Variants in SESN1 observed in about 807,000 individuals in gnomAD.
The protein encoded by SESN1 is sestrin 1, also known as sestrin-1.
SESN1 carries 30 observed loss-of-function variants against 59.3 expected under a neutral mutation model. That is an observed-to-expected ratio of 0.51 (90% CI 0.38 to 0.69). SESN1 has a LOEUF of 0.69. SESN1 is among the 30% of genes least tolerant of loss of function. The probability of loss-of-function intolerance (pLI) is 0.00; values close to 1 mark genes in which losing one functional copy is unlikely to be tolerated. For missense variants in SESN1, 566 were observed against 673.0 expected (o/e 0.84, Z 1.76); for synonymous variants, 197 against 219.9 (o/e 0.90, Z 0.92).
chr6:109,009,262 G>C (rs1779805468), intron 1 of SESN1: 1 of 1,133,304 alleles, frequency 8.8e-7, no homozygotes, highest in African/African-American at 1.6e-5. Flanking sequence ...GAGCGACTGT[G>C]AGGAGGCAAC....
chr6:109,022,028 A>G (rs1780019181), intron 1 of SESN1, among the ~76,000 whole-genome samples: 1 of 152,038 alleles, frequency 6.6e-6, no homozygotes, highest in South Asian at 2.1e-4. Flanking sequence ...GTGTTAATTA[A>G]GCACCTACTA....
intron 1 of SESN1, among the ~76,000 whole-genome samples, chr6:109,080,353 T>C (rs1781101329): frequency 6.6e-6 from 1 of 152,204 alleles, no homozygotes; most frequent in Non-Finnish European, 1.5e-5. Flanking sequence ...AGGTAGTGCA[T>C]TAAATAAATC....
At chr6:109,055,706 T>C (rs1397227462) in intron 1 of SESN1, among the ~76,000 whole-genome samples, 2 of 151,490 alleles carry the variant, frequency 1.3e-5, no homozygotes, top group Non-Finnish European at 2.9e-5. Context: ...CCAGAATGGT[T>C]ATTTCAATCA....
chr6:109,041,958 T>C lies in SESN1; in HGVS notation c.280-39615A>G, dbSNP rs371587105. Among the ~76,000 whole-genome samples, 41 of 152,220 alleles carry C rather than the reference T, an allele frequency of 2.7e-4. No homozygotes were observed. The South Asian group carries it at 4.1e-3, about 15-fold the overall frequency. On this transcript the variant is annotated intron_variant, in intron 1 of 9. Coordinates refer to ENST00000436639, the MANE Select transcript of SESN1 (RefSeq NM_014454.3). Reference sequence around the variant, plus strand: ...GAATACATCATGGCCATAAAATAAATTTGAATATATTTAAAAGAATGAAAA... The same window carrying C: ...GAATACATCATGGCCATAAAATAAACTTGAATATATTTAAAAGAATGAAAA...
rs79469057 is a variant in SESN1 at position 109,089,122 on chromosome 6, G to A, written c.279+4673C>T. Among the ~76,000 whole-genome samples the A allele has an allele frequency of 8.2e-3, 1,234 of 150,490 alleles. 23 individuals are homozygous for A. Among genetic ancestry groups the A allele is most frequent in the African/African-American group, 0.028 (1,164 of 40,850 alleles). ...GAATTCATTCTACCACCTTGTCATC[G>A]TTTCTCCCTTGCCAACTACAGCCCT... On this transcript the variant is annotated intron_variant, in intron 1 of 9. Transcript: ENST00000436639.
At chr6:109,064,509 T>C (rs1237286160) in intron 1 of SESN1, among the ~76,000 whole-genome samples, 1 of 146,002 alleles carries the variant, frequency 6.8e-6, no homozygotes, top group Non-Finnish European at 1.5e-5. Context: ...CAGTTCATCA[T>C]CAATCACCAA....
chr6:109,026,921 C>T (rs760842008), intron 1 of SESN1, among the ~76,000 whole-genome samples: 4 of 152,148 alleles, frequency 2.6e-5, no homozygotes, highest in South Asian at 2.1e-4. Context: ...CACCTGTAAT[C>T]CCAGCACTTC....
At chr6:109,091,635 T>C (rs1201731914) in intron 1 of SESN1, among the ~76,000 whole-genome samples, 1 of 152,266 alleles carries the variant, frequency 6.6e-6, no homozygotes, top group Non-Finnish European at 1.5e-5. Flanking sequence ...ATCATGTCTC[T>C]GCTTAAATGT....
intron 1 of SESN1, among the ~76,000 whole-genome samples, chr6:109,043,300 T>G (rs1272479273): frequency 6.6e-6 from 1 of 152,086 alleles, no homozygotes; most frequent in Non-Finnish European, 1.5e-5. Flanking sequence ...ATATTTACTC[T>G]CACCACTCTT....
intron 1 of SESN1, among the ~76,000 whole-genome samples, chr6:109,021,914 A>C (rs1780017373): frequency 6.6e-6 from 1 of 152,222 alleles, no homozygotes; most frequent in African/African-American, 2.4e-5. Flanking sequence ...TATTACTGAA[A>C]GTTTCATTAA....
chr6:109,019,656 T>C (rs1235296453), intron 1 of SESN1, among the ~76,000 whole-genome samples: 1 of 152,210 alleles, frequency 6.6e-6, no homozygotes, highest in Non-Finnish European at 1.5e-5. Context: ...TCATAAAAAT[T>C]TGACCTAATA....
At chr6:108,996,144 A>C (rs1340141807) in intron 5 of SESN1, among the ~76,000 whole-genome samples, 1 of 152,234 alleles carries the variant, frequency 6.6e-6, no homozygotes, top group African/African-American at 2.4e-5. Context: ...CTAGCATAGT[A>C]CCTGGTACAT....
In SESN1 at chr6:108,998,583, C is replaced by T; in HGVS notation, c.902G>A (p.Cys301Tyr). 1 of 1,613,842 alleles carries T rather than the reference C, an allele frequency of 6.2e-7. No individual in the cohort carries two copies. The highest frequency in any genetic ancestry group is 2.2e-5 in the East Asian group (1 of 44,868). The change falls in exon 5 of 10, where the codon TGC becomes TAC. Residue 301 changes from cysteine to tyrosine, a missense_variant. Cys to Tyr is a radical substitution (Grantham distance 194). Transcript: ENST00000436639. ...TFRPPSVSNYCICDITNGNHS... is the reference protein window; with the variant it reads ...TFRPPSVSNYYICDITNGNHS... ...ATTGCCATTTGTAATGTCACAGATG[C>T]AGTAGTTGCTAACAGAAGGAGGTCT...
At chr6:109,032,150 T>C (rs1780190625) in intron 1 of SESN1, among the ~76,000 whole-genome samples, 1 of 152,144 alleles carries the variant, frequency 6.6e-6, no homozygotes, top group Non-Finnish European at 1.5e-5. Flanking sequence ...TTCATGCCTG[T>C]AATCCCAGCT....
intron 1 of SESN1, among the ~76,000 whole-genome samples, chr6:109,039,229 G>A (rs1264852307): frequency 6.6e-6 from 1 of 152,164 alleles, no homozygotes; most frequent in Non-Finnish European, 1.5e-5. Context: ...ACTATAGAGG[G>A]TAGGGAAGAC....
At chr6:109,065,288 T>G (rs1250727756) in intron 1 of SESN1, among the ~76,000 whole-genome samples, 1 of 152,204 alleles carries the variant, frequency 6.6e-6, no homozygotes, top group Non-Finnish European at 1.5e-5. Flanking sequence ...ATACTATTAT[T>G]ATGATGCTTC....
In SESN1 at chr6:109,000,489, A is replaced by C. The variant is rs768859529; in HGVS notation, c.729+2T>G. 2 of 1,547,922 alleles carry C rather than the reference A, an allele frequency of 1.3e-6. No individual in the cohort carries two copies. Among genetic ancestry groups the C allele is most frequent in the Admixed American group, 3.8e-5 (2 of 53,222 alleles). The stretch of plus-strand genomic sequence containing the variant: ...CCCAAGATATATTACCCCACTGCTT[A>C]CCTCAATGTGTTCTTTGGTAATAAG... On this transcript the variant is annotated splice_donor_variant, in intron 4 of 9. Transcript: ENST00000436639. LOFTEE classifies it high-confidence loss of function.
At chr6:109,070,147 T>A (rs1780906615) in intron 1 of SESN1, among the ~76,000 whole-genome samples, 6 of 152,286 alleles carry the variant, frequency 3.9e-5, no homozygotes, top group African/African-American at 1.2e-4. Flanking sequence ...GTGATTTGAA[T>A]GTAGGAAGTG....
At chr6:109,058,518 A>T (rs1221806060) in intron 1 of SESN1, among the ~76,000 whole-genome samples, 3 of 152,228 alleles carry the variant, frequency 2.0e-5, no homozygotes, top group Admixed American at 2.0e-4. Context: ...ACATATGTCC[A>T]TCATTAGGTG....
Sources: gnomAD v4.1 joint callset for allele counts (sites outside exome capture counted in the v4.1 genomes callset) on GRCh38, gnomAD v4.1.1 for gene constraint, MANE v1.5 for transcripts, NCBI Gene and HGNC (gene_info 2026-07-23, HGNC 2026-07-21) for gene names.